FHIT: variants seen among roughly 807,000 people sequenced by gnomAD.
The protein encoded by FHIT is bis(5'-adenosyl)-triphosphatase.
In FHIT, 19 loss-of-function variants were observed where a neutral mutation model predicts 17.9. That is an observed-to-expected ratio of 1.06 (90% confidence interval 0.74 to 1.56). FHIT has a LOEUF of 1.56. Among genes scored for constraint, FHIT ranks in the 40% most tolerant of loss-of-function variants. The pLI, the probability that FHIT is intolerant of heterozygous loss-of-function variation, is 0.00. For synonymous variants in FHIT, 81 were observed against 69.7 expected, an observed-to-expected ratio of 1.16 and a Z score of -0.81; for missense variants, 248 against 189.2, an observed-to-expected ratio of 1.31 and a Z score of -1.82.
rs869078939 is a variant in FHIT at position 60,390,396 on chromosome 3, T to TAAAAAAAAAAA, written c.103+146453_103+146463dup. 1.9e-4 allele frequency among the ~76,000 whole-genome samples: 6 copies of TAAAAAAAAAAA among 32,028 alleles called. 1 individual carries two copies. The highest frequency in any genetic ancestry group is 3.3e-3 in the South Asian group (2 of 598). The allele number at this position is 32,028 out of a possible 152,430, so 21.0% of individuals were successfully genotyped here. On this transcript the variant is annotated intron_variant, in intron 5 of 9. Transcript: ENST00000492590. ...TGGTCCCTTAAGATTGTAATGGAGC[T>TAAAAAAAAAAA]AAAAAAAAAAAAAAAAAAAAAAAAA...
At chr3:60,235,234 G>GTTGT (rs1704714430) in intron 5 of FHIT, among the ~76,000 whole-genome samples, 11 of 143,098 alleles carry the variant, frequency 7.7e-5, no homozygotes, top group East Asian at 2.1e-4. Flanking sequence ...TTTGTTTGTT[G>GTTGT]TTTTTTTTTT....
chr3:60,684,070 A>T (rs1490440971), intron 4 of FHIT, among the ~76,000 whole-genome samples: 1 of 152,136 alleles, frequency 6.6e-6, no homozygotes, highest in Non-Finnish European at 1.5e-5. Context: ...AGCTGGCTTT[A>T]TTATCTTCTT....
intron 8 of FHIT, among the ~76,000 whole-genome samples, chr3:59,829,387 C>CA (rs1426901085): frequency 6.6e-6 from 1 of 152,178 alleles, no homozygotes; most frequent in African/African-American, 2.4e-5. Context: ...CATATCTCTG[C>CA]ACCAGCAGTA....
chr3:60,226,455 A>G (rs986679260), intron 5 of FHIT, among the ~76,000 whole-genome samples: 6 of 120,976 alleles, frequency 5.0e-5, no homozygotes, highest in African/African-American at 2.0e-4. Context: ...CTGGGCAACA[A>G]GAGTGAAACT....
rs185221802 is a variant in FHIT, at chr3:60,623,344, T to A, written c.-17-86365A>T. Among the ~76,000 whole-genome samples the A allele has an allele frequency of 1.9e-4, 29 of 152,274 alleles. 1 individual carries two copies. Among genetic ancestry groups the A allele is most frequent in the Admixed American group, 1.6e-3 (24 of 15,290 alleles). On this transcript the variant is annotated intron_variant, in intron 4 of 9. Transcript: ENST00000492590. ...TTCGACATGCCATCTCAATTTAACA[T>A]GATACTTATGTAAGCCAATAGTCCC...
intron 8 of FHIT, among the ~76,000 whole-genome samples, chr3:59,918,563 A>T (rs1705251867): frequency 6.6e-6 from 1 of 152,208 alleles, no homozygotes; most frequent in Admixed American, 6.5e-5. Context: ...AGGCAGGGAG[A>T]TTAAACAGAT....
At chr3:59,962,704 T>C (rs1398291988) in intron 7 of FHIT, among the ~76,000 whole-genome samples, 1 of 152,216 alleles carries the variant, frequency 6.6e-6, no homozygotes, top group Non-Finnish European at 1.5e-5. Context: ...AGGAAACTGA[T>C]GGAAAACAGT....
intron 3 of FHIT, among the ~76,000 whole-genome samples, chr3:60,915,316 C>A (rs1393809512): frequency 6.6e-6 from 1 of 152,118 alleles, no homozygotes; most frequent in African/African-American, 2.4e-5. Context: ...TGGGGAATGA[C>A]ACAGCTTTTG....
intron 5 of FHIT, among the ~76,000 whole-genome samples, chr3:60,024,768 C>A (rs1254112302): frequency 1.3e-5 from 2 of 152,236 alleles, no homozygotes; most frequent in Admixed American, 1.3e-4. Flanking sequence ...TTCACTTGGT[C>A]TAACTGGATC....
At chr3:60,888,241 A>G (rs1705324885) in intron 3 of FHIT, among the ~76,000 whole-genome samples, 2 of 152,146 alleles carry the variant, frequency 1.3e-5, no homozygotes, top group African/African-American at 4.8e-5. Context: ...AAAGCACCGC[A>G]TTTTCTCCAA....
chr3:59,945,083 G>A (rs1321682528), intron 7 of FHIT, among the ~76,000 whole-genome samples: 1 of 152,014 alleles, frequency 6.6e-6, no homozygotes, highest in East Asian at 1.9e-4. Context: ...TCTGTATTAA[G>A]TTGAGAAATT....
At chr3:60,657,494 T>G (rs1394962503) in intron 4 of FHIT, among the ~76,000 whole-genome samples, 1 of 152,172 alleles carries the variant, frequency 6.6e-6, no homozygotes, top group African/African-American at 2.4e-5. Context: ...TGGCAGATAG[T>G]CAATGACTAA....
chr3:60,061,863 C>A (rs147529968), intron 5 of FHIT, among the ~76,000 whole-genome samples: 1 of 152,230 alleles, frequency 6.6e-6, no homozygotes, highest in Non-Finnish European at 1.5e-5. Flanking sequence ...AGATGAATTT[C>A]AGCCAGAAGA....
At chr3:59,930,772 G>C (rs1170112868) in intron 7 of FHIT, among the ~76,000 whole-genome samples, 1 of 152,210 alleles carries the variant, frequency 6.6e-6, no homozygotes, top group Non-Finnish European at 1.5e-5. Flanking sequence ...TCACAGAAGA[G>C]GAGAGTGGCT....
At chr3:60,709,743 C>T (rs944049779) in intron 4 of FHIT, among the ~76,000 whole-genome samples, 3 of 152,146 alleles carry the variant, frequency 2.0e-5, no homozygotes, top group African/African-American at 7.2e-5. Flanking sequence ...AGCTGTCAAG[C>T]TCATGGTGGC....
intron 2 of FHIT, among the ~76,000 whole-genome samples, chr3:61,143,603 C>T (rs905476065): frequency 1.3e-5 from 2 of 152,200 alleles, no homozygotes; most frequent in Non-Finnish European, 2.9e-5. Context: ...CAGTGGCTCA[C>T]GCCTGTAATC....
At chr3:61,245,411 C>G (rs1409623729) in intron 1 of FHIT, among the ~76,000 whole-genome samples, 1 of 152,188 alleles carries the variant, frequency 6.6e-6, no homozygotes, top group Non-Finnish European at 1.5e-5. Flanking sequence ...CGAGTCCATT[C>G]TCTTAACTAC....
chr3:61,210,408 A>C (rs944310533), intron 1 of FHIT, among the ~76,000 whole-genome samples: 1 of 152,228 alleles, frequency 6.6e-6, no homozygotes, highest in African/African-American at 2.4e-5. Context: ...CCAGAGGTGG[A>C]GCCTACAGAG....
At chr3:60,401,530 A>C (rs755382997) in intron 5 of FHIT, among the ~76,000 whole-genome samples, 6 of 152,134 alleles carry the variant, frequency 3.9e-5, no homozygotes, top group Non-Finnish European at 7.4e-5. Context: ...CCCTTGGATA[A>C]GGTCAGCTCT....
Sources: gnomAD v4.1 joint callset for allele counts (sites outside exome capture counted in the v4.1 genomes callset) on GRCh38, gnomAD v4.1.1 for gene constraint, MANE v1.5 for transcripts, NCBI Gene and HGNC (gene_info 2026-07-23, HGNC 2026-07-21) for gene names.